The following GBE1 variants were observed in gnomAD, a reference collection of about 807,000 sequenced individuals.
GBE1 encodes 1,4-alpha-glucan branching enzyme 1.
A neutral mutation model predicts 88.8 loss-of-function variants in GBE1; 70 were observed. The ratio of observed to expected loss-of-function variants is 0.79; its 90% CI spans 0.65 to 0.96. The LOEUF (loss-of-function observed/expected upper bound fraction) is 0.96, where lower values mean the gene tolerates loss of function less well. Among genes scored for constraint, GBE1 ranks in the 40% least tolerant of loss-of-function variants. GBE1 has a pLI of 0.00. For synonymous variants in GBE1, 284 were observed against 300.1 expected (o/e 0.95, Z 0.56); for missense variants, 872 against 871.0 (o/e 1.00, Z -0.01).
chr3:81,614,921 T>A (rs1704228823), intron 7 of GBE1, among the ~76,000 whole-genome samples: 1 of 151,656 alleles, frequency 6.6e-6, no homozygotes. Context: ...TCCAGCTACT[T>A]GGGAGGCTGA....
At chr3:81,756,835 G>A (rs1294454770) in intron 1 of GBE1, among the ~76,000 whole-genome samples, 1 of 152,156 alleles carries the variant, frequency 6.6e-6, no homozygotes, top group African/African-American at 2.4e-5. Flanking sequence ...TCCAAGACAG[G>A]ATAATATGAT....
chr3:81,689,096 CT>C (rs1705482506), intron 2 of GBE1, among the ~76,000 whole-genome samples: 2 of 151,978 alleles, frequency 1.3e-5, no homozygotes, highest in Admixed American at 1.3e-4. Flanking sequence ...GACTATGTTC[CT>C]TTTTTTCTGA....
chr3:81,639,821 C>G (rs1037608155), intron 7 of GBE1, among the ~76,000 whole-genome samples: 1 of 152,114 alleles, frequency 6.6e-6, no homozygotes, highest in Non-Finnish European at 1.5e-5. Flanking sequence ...AGCTGACAGC[C>G]AGCACCAACC....
At chr3:81,691,215 A>G (rs188354203) in intron 2 of GBE1, among the ~76,000 whole-genome samples, 23 of 152,244 alleles carry the variant, frequency 1.5e-4, no homozygotes, top group African/African-American at 5.3e-4. Flanking sequence ...ACAACTCTAT[A>G]ATGTTGCAAT....
chr3:81,509,294 C>CTT (rs34753672), intron 14 of GBE1, among the ~76,000 whole-genome samples: 26 of 123,776 alleles, frequency 2.1e-4, no homozygotes, highest in Middle Eastern at 8.4e-3. Context: ...TAGGGTTTGT[C>CTT]TTTTTTTTTT....
intron 7 of GBE1, among the ~76,000 whole-genome samples, chr3:81,600,963 T>A (rs1704025478): frequency 6.6e-6 from 1 of 152,032 alleles, no homozygotes; most frequent in African/African-American, 2.4e-5. Flanking sequence ...GGAAAATATA[T>A]AGGGTCTGCT....
intron 15 of GBE1, among the ~76,000 whole-genome samples, chr3:81,494,342 A>G (rs1702476070): frequency 6.6e-6 from 1 of 152,188 alleles, no homozygotes; most frequent in South Asian, 2.1e-4. Context: ...AGACATGAAC[A>G]ATTTGGGGTT....
chr3:81,507,949 T>C (rs570369457), intron 14 of GBE1, among the ~76,000 whole-genome samples: 15 of 152,320 alleles, frequency 9.8e-5, no homozygotes, highest in Non-Finnish European at 1.6e-4. Flanking sequence ...GCAAGTATGC[T>C]TCTTCGGCCA....
chr3:81,508,202 C>T (rs1702679645), intron 14 of GBE1, among the ~76,000 whole-genome samples: 1 of 152,148 alleles, frequency 6.6e-6, no homozygotes, highest in Non-Finnish European at 1.5e-5. Context: ...GACATTTATT[C>T]TAAATACTTT....
intron 7 of GBE1, among the ~76,000 whole-genome samples, chr3:81,611,403 T>C (rs1426264926): frequency 3.9e-5 from 6 of 151,992 alleles, no homozygotes; most frequent in African/African-American, 1.2e-4. Context: ...GGAAAAACAA[T>C]TGGGGGAAAA....
At chr3:81,710,521 C>T (rs1705849078) in intron 1 of GBE1, among the ~76,000 whole-genome samples, 1 of 151,822 alleles carries the variant, frequency 6.6e-6, no homozygotes, top group Non-Finnish European at 1.5e-5. Context: ...AAATAGTCCA[C>T]GTTCAAATCC....
At chr3:81,716,524 T>C (rs1199216402) in intron 1 of GBE1, among the ~76,000 whole-genome samples, 1 of 152,162 alleles carries the variant, frequency 6.6e-6, no homozygotes, top group Admixed American at 6.5e-5. Flanking sequence ...GAAATGTTCT[T>C]ATTCAATTAA....
intron 7 of GBE1, among the ~76,000 whole-genome samples, chr3:81,622,442 T>TG (rs1704346075): frequency 6.6e-6 from 1 of 152,200 alleles, no homozygotes; most frequent in Non-Finnish European, 1.5e-5. Flanking sequence ...TAGAGTAACT[T>TG]GGAGCTCAGT....
At chr3:81,636,156 T>C (rs917799546) in intron 7 of GBE1, among the ~76,000 whole-genome samples, 5 of 152,150 alleles carry the variant, frequency 3.3e-5, no homozygotes, top group Admixed American at 6.6e-5. Flanking sequence ...TCCAGACAGA[T>C]TGGATTGATA....
At chr3:81,579,428 T>C (rs773313222) in intron 11 of GBE1, among the ~76,000 whole-genome samples, 37 of 152,226 alleles carry the variant, frequency 2.4e-4, no homozygotes, top group South Asian at 1.2e-3. Flanking sequence ...GAAATAATTC[T>C]TGGTAAATCT....
intron 1 of GBE1, among the ~76,000 whole-genome samples, chr3:81,715,119 G>A (rs1447740717): frequency 2.6e-5 from 4 of 152,118 alleles, no homozygotes; most frequent in South Asian, 2.1e-4. Flanking sequence ...TGACCATTAC[G>A]GGACAGAAAA....
At chr3:81,682,761 T>C (rs1202932508) in intron 2 of GBE1, among the ~76,000 whole-genome samples, 1 of 152,154 alleles carries the variant, frequency 6.6e-6, no homozygotes, top group African/African-American at 2.4e-5. Flanking sequence ...GATATCCAAT[T>C]GAAATGAAAA....
At position 81,754,765 on chromosome 3, in the gene GBE1, A is replaced by T. The variant is rs370256068; in HGVS notation, c.143+6610T>A. Among the ~76,000 whole-genome samples the T allele has an allele frequency of 4.6e-5, 7 of 152,250 alleles. No homozygotes were observed. In the East Asian group the frequency reaches 1.3e-3, roughly 29 times the overall value. ...CAATAAATGGTGCTGGGAAAACTGG[A>T]TAACTATATGATGAAGAATGAAACT... On this transcript the variant is annotated intron_variant, in intron 1 of 15. Transcript: ENST00000429644.
chr3:81,575,888 T>TA (rs1299190988), intron 12 of GBE1, among the ~76,000 whole-genome samples: 1 of 151,938 alleles, frequency 6.6e-6, no homozygotes, highest in Non-Finnish European at 1.5e-5. Flanking sequence ...TTTGTTACTT[T>TA]AAAAAAAATG....
Sources: allele counts gnomAD v4.1 joint callset (sites outside exome capture counted in the v4.1 genomes callset), GRCh38; gene constraint gnomAD v4.1.1; transcripts MANE v1.5; gene names NCBI Gene and HGNC (gene_info 2026-07-23, HGNC 2026-07-21).